The following UNC5C variants were observed in gnomAD, a reference collection of about 807,000 sequenced individuals.
The protein encoded by UNC5C is unc-5 netrin receptor C, also known as netrin receptor UNC5C.
In UNC5C, 47 loss-of-function variants were observed where a neutral mutation model predicts 99.8. The observed-to-expected ratio is 0.47, with a 90% CI of 0.37 to 0.60. The LOEUF is 0.60. Ranked by LOEUF, UNC5C falls within the 20% of genes least tolerant of loss-of-function variation. The probability of loss-of-function intolerance (pLI) is 0.00; values close to 1 mark genes in which losing one functional copy is unlikely to be tolerated. For missense variants in UNC5C, 1,062 were observed against 1,165.9 expected (o/e 0.91, Z 1.30); for synonymous variants, 487 against 452.2 (o/e 1.08, Z -0.98).
chr4:95,199,265 T>C (rs778058315), intron 12 of UNC5C, among the ~76,000 whole-genome samples: 13 of 152,288 alleles, frequency 8.5e-5, no homozygotes, highest in Admixed American at 2.6e-4. Context: ...AAGGGCTTTT[T>C]GAGCTAATCA....
chr4:95,205,481 C>T (rs1737842628), intron 11 of UNC5C, among the ~76,000 whole-genome samples: 1 of 152,040 alleles, frequency 6.6e-6, no homozygotes. Flanking sequence ...CCCAGTGAAT[C>T]CCAGGGATAC....
intron 1 of UNC5C, among the ~76,000 whole-genome samples, chr4:95,360,436 A>C (rs375116895): frequency 8.5e-5 from 13 of 152,296 alleles, no homozygotes; most frequent in African/African-American, 3.1e-4. Context: ...ACTGCTCCAC[A>C]GAGTAAGAGA....
chr4:95,495,155 T>A (rs1427849595), intron 1 of UNC5C, among the ~76,000 whole-genome samples: 3 of 151,600 alleles, frequency 2.0e-5, no homozygotes, highest in African/African-American at 7.3e-5. Context: ...GGCAAATTAT[T>A]GTTCTCTATT....
chr4:95,396,788 C>G (rs543377795), intron 1 of UNC5C, among the ~76,000 whole-genome samples: 13 of 151,984 alleles, frequency 8.6e-5, no homozygotes, highest in Non-Finnish European at 1.5e-4. Context: ...AACAAAGTTG[C>G]AACCAAGAAA....
chr4:95,341,206 C>T (rs528797334), intron 1 of UNC5C, among the ~76,000 whole-genome samples: 4 of 145,902 alleles, frequency 2.7e-5, no homozygotes, highest in Admixed American at 1.3e-4. Context: ...TCCACTGCAG[C>T]ATTATTTGTC....
chr4:95,517,746 A>G (rs146514944), intron 1 of UNC5C, among the ~76,000 whole-genome samples: 1,838 of 152,292 alleles, frequency 0.012, 8 homozygotes, highest in Admixed American at 0.015. Flanking sequence ...TGGCATGATC[A>G]CGTTTCTGTT....
chr4:95,442,346 G>A (rs1469689793), intron 1 of UNC5C, among the ~76,000 whole-genome samples: 1 of 151,088 alleles, frequency 6.6e-6, no homozygotes, highest in Non-Finnish European at 1.5e-5. Flanking sequence ...GGGACTACAG[G>A]CATGTGCAAC....
At chr4:95,497,853 C>A (rs1401632501) in intron 1 of UNC5C, among the ~76,000 whole-genome samples, 1 of 151,816 alleles carries the variant, frequency 6.6e-6, no homozygotes, top group African/African-American at 2.4e-5. Flanking sequence ...TTTATTGAGA[C>A]CAAAATTGTC....
intron 4 of UNC5C, among the ~76,000 whole-genome samples, chr4:95,263,302 AT>A (rs1740315413): frequency 6.6e-6 from 1 of 152,130 alleles, no homozygotes; most frequent in South Asian, 2.1e-4. Flanking sequence ...TTTTGATAAT[AT>A]TTTTTAGATA....
At chr4:95,526,832 G>A (rs901074289) in intron 1 of UNC5C, among the ~76,000 whole-genome samples, 1 of 151,836 alleles carries the variant, frequency 6.6e-6, no homozygotes, top group Non-Finnish European at 1.5e-5. Flanking sequence ...ATTTTAACAT[G>A]GTTGTGTTAC....
At position 95,548,960 on chromosome 4, in the gene UNC5C, T is replaced by G; in HGVS notation, c.-103A>C. On this transcript the variant is annotated 5_prime_UTR_variant, in exon 1 of 16. Transcript: ENST00000453304. ...GCTGAATCCGTGCACCGCGAAGCAG[T>G]CCGAAGAAATAACGACAACCAAGCG... The G allele has an allele frequency of 1.4e-6, 2 of 1,454,748 alleles. No homozygotes were observed. Among genetic ancestry groups the G allele is most frequent in the Admixed American group, 1.9e-5 (1 of 52,254 alleles). The allele number at this position is 1,454,748 out of a possible 1,614,324, so 90.1% of individuals were successfully genotyped here.
chr4:95,248,168 A>G (rs1275401051), intron 5 of UNC5C: 2 of 192,986 alleles, frequency 1.0e-5, no homozygotes, highest in South Asian at 8.6e-5. Context: ...ATCCATCTGA[A>G]TGGTACTGTG....
At chr4:95,274,280 C>T (rs374398588) in intron 4 of UNC5C, among the ~76,000 whole-genome samples, 103 of 152,242 alleles carry the variant, frequency 6.8e-4, no homozygotes, top group African/African-American at 2.5e-3. Context: ...CCCTCACCCG[C>T]AGGCCCTGGC....
At chr4:95,265,445 A>G (rs1411167226) in intron 4 of UNC5C, among the ~76,000 whole-genome samples, 1 of 152,126 alleles carries the variant, frequency 6.6e-6, no homozygotes, top group East Asian at 1.9e-4. Context: ...TGGATGCTGG[A>G]GTTGAATTTC....
At chr4:95,472,358 A>G (rs1231254320) in intron 1 of UNC5C, among the ~76,000 whole-genome samples, 1 of 152,140 alleles carries the variant, frequency 6.6e-6, no homozygotes, top group Non-Finnish European at 1.5e-5. Context: ...TATTTAATTG[A>G]TATGCCCTTT....
At chr4:95,280,285 C>T (rs11935179) in intron 3 of UNC5C, among the ~76,000 whole-genome samples, 26,065 of 152,110 alleles carry the variant, frequency 0.17, 3,726 homozygotes, top group African/African-American at 0.37. Context: ...GTGAGAAAAT[C>T]ATAGATCTAT....
chr4:95,412,130 C>T (rs1746009798), intron 1 of UNC5C, among the ~76,000 whole-genome samples: 1 of 152,030 alleles, frequency 6.6e-6, no homozygotes, highest in African/African-American at 2.4e-5. Flanking sequence ...GTCATTACTC[C>T]TCTCTTCCTC....
Position 95,243,793 on chromosome 4 carries a change from C to T in UNC5C, c.943+1184G>A, listed in dbSNP as rs963783331. ...AAGTCCCAACTACTTAGAGCAAAAA[C>T]ATTTGCTTTGACCTGCACCAATCCA... On this transcript the variant is annotated intron_variant, in intron 6 of 15. Coordinates refer to ENST00000453304, the MANE Select transcript of UNC5C (RefSeq NM_003728.4). Among the ~76,000 whole-genome samples the T allele has an allele frequency of 2.6e-4, 40 of 152,152 alleles. 1 individual carries two copies. The highest frequency in any genetic ancestry group is 1.2e-4 in the Non-Finnish European group (8 of 68,024).
At chr4:95,405,465 C>A (rs1046349686) in intron 1 of UNC5C, among the ~76,000 whole-genome samples, 13 of 152,186 alleles carry the variant, frequency 8.5e-5, no homozygotes, top group Admixed American at 4.6e-4. Flanking sequence ...TTCTATCATT[C>A]CAGTGATCCT....
Sources: allele counts gnomAD v4.1 joint callset (sites outside exome capture counted in the v4.1 genomes callset), GRCh38; gene constraint gnomAD v4.1.1; transcripts MANE v1.5; gene names NCBI Gene and HGNC (gene_info 2026-07-23, HGNC 2026-07-21).